Variants in SGCD observed in about 807,000 individuals in gnomAD.
The protein encoded by SGCD is delta-sarcoglycan.
In SGCD, 18 loss-of-function variants were observed where a neutral mutation model predicts 36.6. That is an observed-to-expected ratio of 0.49 (90% CI 0.34 to 0.73). The LOEUF (loss-of-function observed/expected upper bound fraction) is 0.73, where lower values mean the gene tolerates loss of function less well. Among genes scored for constraint, SGCD ranks in the 30% least tolerant of loss-of-function variants. The probability of loss-of-function intolerance (pLI) is 0.01; values close to 1 mark genes in which losing one functional copy is unlikely to be tolerated. For missense variants in SGCD, 387 were observed against 346.7 expected, an observed-to-expected ratio of 1.12 and a Z score of -0.92; for synonymous variants, 133 against 130.6, an observed-to-expected ratio of 1.02 and a Z score of -0.12.
the SGCD span, among the ~76,000 whole-genome samples, chr5:155,769,367 C>T: frequency 2.8e-4 from 39 of 136,882 alleles, 1 homozygote; most frequent in South Asian, 5.0e-3. Flanking sequence ...TTTTTAGAAA[C>T]AGCCAAAAAA....
intron 3 of SGCD, among the ~76,000 whole-genome samples, chr5:156,259,898 A>G (rs2127664675): frequency 6.6e-6 from 1 of 152,314 alleles, no homozygotes; most frequent in African/African-American, 2.4e-5. Context: ...GGCACTCACC[A>G]GATGCCAGTA....
At chr5:155,928,174 C>A (rs1186416780) in intron 1 of SGCD, among the ~76,000 whole-genome samples, 1 of 152,090 alleles carries the variant, frequency 6.6e-6, no homozygotes, top group Admixed American at 6.6e-5. Flanking sequence ...TTTGATGCCC[C>A]ACTTCCTAGG....
chr5:155,832,983 G>A, the SGCD span, among the ~76,000 whole-genome samples: 2 of 150,992 alleles, frequency 1.3e-5, no homozygotes, highest in African/African-American at 4.9e-5. Flanking sequence ...GGAGGCTGAG[G>A]CGGATCACGA....
intron 1 of SGCD, among the ~76,000 whole-genome samples, chr5:155,872,530 G>T (rs1374451187): frequency 6.6e-6 from 1 of 152,170 alleles, no homozygotes; most frequent in Non-Finnish European, 1.5e-5. Context: ...ACTTTGAATA[G>T]AATTCTTTCC....
At chr5:156,362,720 A>G (rs1035849943) in intron 3 of SGCD, among the ~76,000 whole-genome samples, 1 of 152,132 alleles carries the variant, frequency 6.6e-6, no homozygotes, top group Non-Finnish European at 1.5e-5. Flanking sequence ...TCTGGGATGG[A>G]CCACTATGGA....
At chr5:156,034,863 T>C (rs1188669848) in intron 1 of SGCD, among the ~76,000 whole-genome samples, 1 of 152,220 alleles carries the variant, frequency 6.6e-6, no homozygotes, top group Non-Finnish European at 1.5e-5. Context: ...AAATGTGTCA[T>C]AGGATCCAAT....
chr5:156,262,651 C>G (rs1198490425), intron 3 of SGCD, among the ~76,000 whole-genome samples: 1 of 152,026 alleles, frequency 6.6e-6, no homozygotes, highest in Non-Finnish European at 1.5e-5. Flanking sequence ...ACAGTATACA[C>G]TGTACCCAAT....
chr5:156,271,545 T>C (rs1766179814), intron 3 of SGCD, among the ~76,000 whole-genome samples: 1 of 152,198 alleles, frequency 6.6e-6, no homozygotes, highest in African/African-American at 2.4e-5. Flanking sequence ...CATAGCTTTA[T>C]CTAATACTTG....
chr5:156,194,079 A>G (rs1266975369), intron 3 of SGCD, among the ~76,000 whole-genome samples: 1 of 152,240 alleles, frequency 6.6e-6, no homozygotes, highest in Non-Finnish European at 1.5e-5. Flanking sequence ...TTGGGCATTT[A>G]ATACTGTGTA....
the SGCD span, among the ~76,000 whole-genome samples, chr5:155,799,825 T>C: frequency 3.6e-3 from 503 of 141,422 alleles, 6 homozygotes; most frequent in African/African-American, 0.013. Flanking sequence ...TTTTTTTTTT[T>C]TTTTTTTTTT....
intron 1 of SGCD, among the ~76,000 whole-genome samples, chr5:156,056,553 C>T (rs1760063043): frequency 7.1e-6 from 1 of 139,880 alleles, no homozygotes; most frequent in African/African-American, 2.6e-5. Context: ...CAGAAGACAG[C>T]AAGAAGAACA....
intron 4 of SGCD, among the ~76,000 whole-genome samples, chr5:156,527,605 T>G (rs1277376059): frequency 6.6e-6 from 1 of 152,220 alleles, no homozygotes; most frequent in African/African-American, 2.4e-5. Context: ...ATGTCTCAGT[T>G]TCTTTATCTG....
At chr5:155,741,333 G>T in the SGCD span, among the ~76,000 whole-genome samples, 5 of 152,186 alleles carry the variant, frequency 3.3e-5, no homozygotes, top group South Asian at 2.1e-4. Flanking sequence ...ATCAGGAAAA[G>T]ACCTGGAAAA....
rs115907454 is a variant in SGCD, at chr5:156,507,636, C to T, written c.193-965C>T. ...AACTACCAATTTACAGGAAACATAA[C>T]GAATAGAGGAACACATTATATGAAA... On this transcript the variant is annotated intron_variant, in intron 3 of 8. Coordinates refer to ENST00000337851, the MANE Select transcript of SGCD (RefSeq NM_000337.6). 7.9e-3 allele frequency among the ~76,000 whole-genome samples: 1,195 copies of T among 152,104 alleles called. 25 individuals are homozygous for T. Among genetic ancestry groups the T allele is most frequent in the African/African-American group, 0.026 (1,076 of 41,490 alleles).
intron 3 of SGCD, among the ~76,000 whole-genome samples, chr5:156,267,600 G>A (rs1361361251): frequency 2.0e-5 from 3 of 152,136 alleles, no homozygotes; most frequent in Non-Finnish European, 4.4e-5. Flanking sequence ...TACATGTTCT[G>A]ATGCCTTCTT....
chr5:156,155,791 G>A (rs1158427390), intron 3 of SGCD, among the ~76,000 whole-genome samples: 1 of 151,542 alleles, frequency 6.6e-6, no homozygotes, highest in Non-Finnish European at 1.5e-5. Context: ...CCAGTGACTG[G>A]GAGAGTTGAG....
chr5:156,450,836 C>T (rs1057270365), intron 3 of SGCD, among the ~76,000 whole-genome samples: 5 of 151,320 alleles, frequency 3.3e-5, no homozygotes, highest in Non-Finnish European at 5.9e-5. Flanking sequence ...TGCATGTATG[C>T]GTATATATCA....
intron 1 of SGCD, among the ~76,000 whole-genome samples, chr5:156,073,417 G>T (rs1382637769): frequency 1.3e-5 from 2 of 152,072 alleles, no homozygotes; most frequent in South Asian, 4.1e-4. Flanking sequence ...AAAAAAGTTA[G>T]CTAGGAATGA....
intron 3 of SGCD, among the ~76,000 whole-genome samples, chr5:156,393,400 A>T (rs1771685255): frequency 6.6e-6 from 1 of 152,266 alleles, no homozygotes; most frequent in South Asian, 2.1e-4. Flanking sequence ...GTCAGTTGTT[A>T]AACAGCTATT....
Sources: allele counts gnomAD v4.1 joint callset (sites outside exome capture counted in the v4.1 genomes callset), GRCh38; gene constraint gnomAD v4.1.1; transcripts MANE v1.5; gene names NCBI Gene and HGNC (gene_info 2026-07-23, HGNC 2026-07-21).